Variants in ROBO2 observed in about 807,000 individuals in gnomAD.
ROBO2 encodes the protein roundabout guidance receptor 2, also known as roundabout homolog 2.
A neutral mutation model predicts 160.8 loss-of-function variants in ROBO2; 53 were observed. The ratio of observed to expected loss-of-function variants is 0.33; its 90% confidence interval spans 0.26 to 0.41. The LOEUF (loss-of-function observed/expected upper bound fraction) is 0.41, where lower values mean the gene tolerates loss of function less well. ROBO2 is among the 10% of genes least tolerant of loss of function. The probability of loss-of-function intolerance (pLI) is 1.00; values close to 1 mark genes in which losing one functional copy is unlikely to be tolerated. For missense variants in ROBO2, 1,577 were observed against 1,722.4 expected (o/e 0.92, Z 1.49); for synonymous variants, 664 against 611.7 (o/e 1.09, Z -1.26).
chr3:76,888,943 G>A (rs187924954), intron 2 of ROBO2, among the ~76,000 whole-genome samples: 183 of 152,322 alleles, frequency 1.2e-3, no homozygotes, highest in Admixed American at 3.5e-3. Flanking sequence ...TTTTCCTGGA[G>A]CTTGTAATCT....
At chr3:76,513,512 C>T (rs369036081) in intron 2 of ROBO2, among the ~76,000 whole-genome samples, 3 of 152,120 alleles carry the variant, frequency 2.0e-5, no homozygotes, top group African/African-American at 2.4e-5. Context: ...CACACCACCA[C>T]GCCTGGCGTG....
chr3:76,323,819 G>A (rs2072780032), intron 2 of ROBO2, among the ~76,000 whole-genome samples: 1 of 152,130 alleles, frequency 6.6e-6, no homozygotes, highest in Non-Finnish European at 1.5e-5. Context: ...ATGCCTCCTT[G>A]TCTGTCTTGT....
intron 2 of ROBO2, among the ~76,000 whole-genome samples, chr3:76,231,633 C>A (rs1249982059): frequency 6.6e-6 from 1 of 152,164 alleles, no homozygotes; most frequent in Non-Finnish European, 1.5e-5. Flanking sequence ...AGTGGCTGGC[C>A]TGTAGCAGTT....
At chr3:76,622,241 A>AGAAAGAAAGAAAGAAAG (rs2089201970) in intron 2 of ROBO2, among the ~76,000 whole-genome samples, 4 of 37,460 alleles carry the variant, frequency 1.1e-4, no homozygotes. Context: ...GAAGGAAGAA[A>AGAAAGAAAGAAAGAAAG]GAAAGAAAGA....
chr3:77,391,614 C>T (rs563724243), intron 2 of ROBO2, among the ~76,000 whole-genome samples: 1 of 152,148 alleles, frequency 6.6e-6, no homozygotes, highest in Non-Finnish European at 1.5e-5. Flanking sequence ...CTGAGTCTCT[C>T]TCTTATGACA....
chr3:77,613,734 C>CA (rs2094702952), intron 21 of ROBO2, among the ~76,000 whole-genome samples: 1 of 152,014 alleles, frequency 6.6e-6, no homozygotes, highest in African/African-American at 2.4e-5. Context: ...AAGAACAGTT[C>CA]AATGTCATAA....
intron 2 of ROBO2, among the ~76,000 whole-genome samples, chr3:77,232,947 A>G (rs2087423629): frequency 6.6e-6 from 1 of 152,176 alleles, no homozygotes; most frequent in Non-Finnish European, 1.5e-5. Context: ...TTTAATGTGA[A>G]CAATGGCCTT....
intron 2 of ROBO2, among the ~76,000 whole-genome samples, chr3:77,434,959 A>C (rs563366073): frequency 6.6e-6 from 1 of 152,200 alleles, no homozygotes; most frequent in South Asian, 2.1e-4. Context: ...TGCTTAGAAG[A>C]TTTAATATTT....
intron 2 of ROBO2, among the ~76,000 whole-genome samples, chr3:77,029,381 G>A (rs2063172428): frequency 6.6e-6 from 1 of 152,234 alleles, no homozygotes; most frequent in African/African-American, 2.4e-5. Context: ...GGGAAATGGG[G>A]TGGTGACATA....
intron 2 of ROBO2, among the ~76,000 whole-genome samples, chr3:77,022,200 T>C (rs1264633330): frequency 2.0e-5 from 3 of 152,140 alleles, no homozygotes; most frequent in Non-Finnish European, 1.5e-5. Context: ...CGAAATCTCG[T>C]CTCTACTAAA....
chr3:76,423,272 A>G (rs1286538311), intron 2 of ROBO2, among the ~76,000 whole-genome samples: 2 of 152,240 alleles, frequency 1.3e-5, no homozygotes, highest in Non-Finnish European at 2.9e-5. Context: ...GAAGCGCTCC[A>G]TAACTAGCTC....
At chr3:76,954,393 C>T (rs564132191) in intron 2 of ROBO2, among the ~76,000 whole-genome samples, 1 of 152,142 alleles carries the variant, frequency 6.6e-6, no homozygotes, top group Admixed American at 6.5e-5. Context: ...TCTTACAACA[C>T]GAGTAGTTCT....
chr3:76,351,932 G>A (rs1576605538), intron 2 of ROBO2, among the ~76,000 whole-genome samples: 1 of 152,034 alleles, frequency 6.6e-6, no homozygotes, highest in African/African-American at 2.4e-5. Flanking sequence ...GGACATAGCC[G>A]CTGTTCAATT....
intron 2 of ROBO2, among the ~76,000 whole-genome samples, chr3:76,763,369 T>C (rs556248562): frequency 4.7e-4 from 71 of 151,836 alleles, no homozygotes; most frequent in Non-Finnish European, 7.2e-4. Flanking sequence ...TTAACATTGA[T>C]ATTGAACGGC....
chr3:76,531,703 A>G (rs1268316177), intron 2 of ROBO2, among the ~76,000 whole-genome samples: 1 of 144,752 alleles, frequency 6.9e-6, no homozygotes, highest in African/African-American at 2.6e-5. Context: ...AAGTTGTTGT[A>G]TAGTATATCA....
intron 2 of ROBO2, among the ~76,000 whole-genome samples, chr3:76,613,402 C>G (rs369410156): frequency 6.6e-6 from 1 of 152,094 alleles, no homozygotes; most frequent in African/African-American, 2.4e-5. Flanking sequence ...TTCTGATTAT[C>G]TCAGTTTAAA....
chr3:77,206,143 A>ATC (rs146646560), intron 2 of ROBO2, among the ~76,000 whole-genome samples: 2,279 of 150,010 alleles, frequency 0.015, 20 homozygotes, highest in African/African-American at 0.021. Context: ...CTCTTCCTGC[A>ATC]TCTCTCTCTC....
chr3:75,949,943 T>G (rs2107176147), intron 2 of ROBO2, among the ~76,000 whole-genome samples: 1 of 152,176 alleles, frequency 6.6e-6, no homozygotes, highest in East Asian at 1.9e-4. Context: ...GGCTTGTCCT[T>G]GAGAAAGAAT....
chr3:77,326,206 C>T (rs2153436785), intron 2 of ROBO2, among the ~76,000 whole-genome samples: 1 of 152,208 alleles, frequency 6.6e-6, no homozygotes, highest in East Asian at 1.9e-4. Context: ...TCTCTCATTA[C>T]AATACTTACT....
Sources: allele counts gnomAD v4.1 joint callset (sites outside exome capture counted in the v4.1 genomes callset), GRCh38; gene constraint gnomAD v4.1.1; transcripts MANE v1.5; gene names NCBI Gene and HGNC (gene_info 2026-07-23, HGNC 2026-07-21).